NDEL1: variants seen among roughly 807,000 people sequenced by gnomAD.
NDEL1 encodes the protein nudE neurodevelopment protein 1 like 1, also known as nuclear distribution protein nudE-like 1.
Under a neutral mutation model 45.7 loss-of-function variants are expected in NDEL1, and 9 were observed. That is an observed-to-expected ratio of 0.20 (90% CI 0.12 to 0.34). The LOEUF is 0.34. Ranked by LOEUF, NDEL1 falls within the 10% of genes least tolerant of loss-of-function variation. The pLI, the probability that NDEL1 is intolerant of heterozygous loss-of-function variation, is 1.00. For synonymous variants in NDEL1, 133 were observed against 158.6 expected, an observed-to-expected ratio of 0.84 and a Z score of 1.21; for missense variants, 306 against 406.2, an observed-to-expected ratio of 0.75 and a Z score of 2.12.
chr17:8,448,516 T>G, intron 4 of NDEL1, 34 bp from the exon 5 acceptor site: 1 of 1,595,264 alleles, frequency 6.3e-7, no homozygotes. Context: ...ACATGTTATT[T>G]ATTTAATTCA....
intron 1 of NDEL1, among the ~76,000 whole-genome samples, chr17:8,438,524 T>C (rs1909504393): frequency 6.6e-6 from 1 of 152,132 alleles, no homozygotes; most frequent in Non-Finnish European, 1.5e-5. Context: ...TTTTTATTTT[T>C]ATTTTTTTGG....
At chr17:8,421,594 A>G (rs1908709763) in intron 1 of NDEL1, among the ~76,000 whole-genome samples, 1 of 152,148 alleles carries the variant, frequency 6.6e-6, no homozygotes, top group South Asian at 2.1e-4. Context: ...CTCTTTAAGT[A>G]TCGGTTTAGA....
intron 1 of NDEL1, among the ~76,000 whole-genome samples, chr17:8,439,207 TG>T (rs1176214695): frequency 6.6e-6 from 1 of 151,476 alleles, no homozygotes; most frequent in Non-Finnish European, 1.5e-5. Flanking sequence ...CCCAAAGTGC[TG>T]GGATTACAGG....
At chr17:8,463,547 C>T (rs1911375017) in intron 8 of NDEL1, among the ~76,000 whole-genome samples, 1 of 152,204 alleles carries the variant, frequency 6.6e-6, no homozygotes, top group African/African-American at 2.4e-5. Flanking sequence ...CTGTGAGAAA[C>T]AAGAACAAAT....
chr17:8,461,236 C>T (rs562681812), intron 8 of NDEL1: 1 of 152,156 alleles, frequency 6.6e-6, no homozygotes, highest in Admixed American at 6.5e-5. Context: ...GGAGCAGATT[C>T]GACACACGGT....
chr17:8,427,089 G>T (rs899826031), intron 1 of NDEL1, among the ~76,000 whole-genome samples: 1 of 152,216 alleles, frequency 6.6e-6, no homozygotes, highest in African/African-American at 2.4e-5. Context: ...TGGAACCTAA[G>T]ACACTGCATA....
At chr17:8,460,403 T>C (rs1243374908) in intron 8 of NDEL1, among the ~76,000 whole-genome samples, 1 of 152,126 alleles carries the variant, frequency 6.6e-6, no homozygotes, top group African/African-American at 2.4e-5. Context: ...AAGGCAGCAG[T>C]GTGAGGCTCT....
intron 2 of NDEL1, chr17:8,444,987 C>G (rs977648305): frequency 6.6e-6 from 1 of 152,126 alleles, no homozygotes; most frequent in African/African-American, 2.4e-5. Context: ...TTTTACTGCC[C>G]TTTCATTATT....
intron 2 of NDEL1, chr17:8,444,887 A>C (rs1909982115): frequency 6.6e-6 from 1 of 152,204 alleles, no homozygotes; most frequent in Non-Finnish European, 1.5e-5. Flanking sequence ...CTTGTCTCAA[A>C]TTTCTTTTTT....
chr17:8,471,947 C>G (rs1911842081), downstream of NDEL1, among the ~76,000 whole-genome samples: 1 of 152,114 alleles, frequency 6.6e-6, no homozygotes, highest in African/African-American at 2.4e-5. Context: ...CTCCCAGAGA[C>G]TGGGAAGCCT....
chr17:8,467,192 A>T lies in NDEL1; in HGVS notation c.*169A>T, dbSNP rs1294347970. ...GCTACTGGGCCCTGCCCAGCCCCGG[A>T]ACTCTGCGCGATATCAATACTGGCT... On this transcript the variant is annotated 3_prime_UTR_variant, in exon 9 of 9. Coordinates refer to ENST00000334527, the MANE Select transcript of NDEL1 (RefSeq NM_030808.5). This position sits in a 1 kb window ranked among gnomAD's most constrained non-coding sequence, Gnocchi z 6.3. 4.6e-6 allele frequency: 3 copies of T among 645,268 alleles called. No individual in the cohort carries two copies. Among genetic ancestry groups the T allele is most frequent in the Non-Finnish European group, 8.1e-6 (3 of 369,058 alleles). 40.0% of individuals were successfully genotyped at this position (645,268 alleles called of 1,614,324 possible). A position where few individuals can be genotyped will look rare whatever the true frequency, so the allele number is the denominator to read the frequency against.
At chr17:8,424,736 C>T (rs953634203) in intron 1 of NDEL1, among the ~76,000 whole-genome samples, 3 of 152,338 alleles carry the variant, frequency 2.0e-5, no homozygotes, top group Non-Finnish European at 4.4e-5. Context: ...GATCTCCTGA[C>T]CTCGTGATCC....
chr17:8,435,764 G>A (rs1240146204), upstream of NDEL1: 10 of 354,056 alleles, frequency 2.8e-5, no homozygotes, highest in Admixed American at 1.0e-4. Context: ...AGCGCGCCGG[G>A]CTCTGGCCCG....
At chr17:8,451,791 C>G (rs1910520514) in intron 6 of NDEL1, among the ~76,000 whole-genome samples, 1 of 151,742 alleles carries the variant, frequency 6.6e-6, no homozygotes, top group African/African-American at 2.4e-5. Flanking sequence ...TTTTTTCCAC[C>G]CTATATTGAA....
At position 8,419,386 on chromosome 17, in the gene NDEL1, CT is replaced by C. The variant is rs368882465; in HGVS notation, c.-13+6124del. ...CTAATACATATAAATATATTCCAGT[CT>C]TTTTTTCTGAGCATATACTTATAAA... is the stretch of plus-strand genomic sequence containing the variant. On this transcript the variant is annotated intron_variant, in intron 1 of 4. Transcript: ENST00000582812. Among the ~76,000 whole-genome samples the C allele has an allele frequency of 4.9e-3, 741 of 152,224 alleles. 6 individuals are homozygous for C. Among genetic ancestry groups the C allele is most frequent in the African/African-American group, 0.017 (706 of 41,530 alleles).
chr17:8,424,066 A>G (rs1908764583), intron 1 of NDEL1, among the ~76,000 whole-genome samples: 1 of 152,214 alleles, frequency 6.6e-6, no homozygotes, highest in African/African-American at 2.4e-5. Context: ...TACAGAAAAG[A>G]AAAAAAGGAA....
At chr17:8,442,069 A>G (rs2151711749) in intron 1 of NDEL1, among the ~76,000 whole-genome samples, 1 of 152,150 alleles carries the variant, frequency 6.6e-6, no homozygotes, top group African/African-American at 2.4e-5. Flanking sequence ...TTTATATTTC[A>G]GGGCCGGATA....
intron 8 of NDEL1, among the ~76,000 whole-genome samples, chr17:8,464,042 G>T (rs1911417770): frequency 6.6e-6 from 1 of 152,206 alleles, no homozygotes; most frequent in African/African-American, 2.4e-5. Context: ...TGCTTTGACA[G>T]AGTTAATGTT....
rs1908896453 is a variant in NDEL1, at chr17:8,428,347, T to G, written c.-13+15078T>G. 2.2e-5 allele frequency among the ~76,000 whole-genome samples: 3 copies of G among 136,090 alleles called. 1 individual carries two copies. The highest frequency in any genetic ancestry group is 2.4e-4 in the South Asian group (1 of 4,174). The allele number at this position is 136,090 out of a possible 152,430, so 89.3% of individuals were successfully genotyped here. On this transcript the variant is annotated intron_variant, in intron 1 of 4. Coordinates refer to the NDEL1 transcript ENST00000582812. ...TGGTGTGTGTGTGTGTGTGTGTGTG[T>G]GTGTGTGTGTGTGTATTTTTTTTTT...
Sources: gnomAD v4.1 joint callset for allele counts (sites outside exome capture counted in the v4.1 genomes callset) on GRCh38, gnomAD v4.1.1 for gene constraint, Gnocchi (gnomAD v3.1) non-coding constraint, MANE v1.5 for transcripts, NCBI Gene and HGNC (gene_info 2026-07-23, HGNC 2026-07-21) for gene names.